The following DLGAP2 variants were observed in gnomAD, a reference collection of about 807,000 sequenced individuals.
DLGAP2 encodes disks large-associated protein 2.
In DLGAP2, 26 loss-of-function variants were observed where a neutral mutation model predicts 100.3. The observed-to-expected ratio is 0.26, with a 90% CI of 0.19 to 0.36. The LOEUF (loss-of-function observed/expected upper bound fraction) is 0.36. DLGAP2 is among the 10% of genes least tolerant of loss of function. The probability of loss-of-function intolerance (pLI) is 1.00; values close to 1 mark genes in which losing one functional copy is unlikely to be tolerated. For missense variants in DLGAP2, 1,858 were observed against 1,453.2 expected, an observed-to-expected ratio of 1.28 and a Z score of -4.53; for synonymous variants, 886 against 630.1, an observed-to-expected ratio of 1.41 and a Z score of -6.08.
intron 2 of DLGAP2, among the ~76,000 whole-genome samples, chr8:1,233,482 C>G (rs562541480): frequency 4.2e-4 from 64 of 152,300 alleles, no homozygotes; most frequent in African/African-American, 1.3e-3. Flanking sequence ...GGGCTAATCG[C>G]AGAGCGCAGG....
intron 3 of DLGAP2, among the ~76,000 whole-genome samples, chr8:1,341,515 G>A (rs1311893225): frequency 1.3e-5 from 2 of 152,206 alleles, no homozygotes; most frequent in Non-Finnish European, 2.9e-5. Context: ...TACAGTATGG[G>A]CTGGATGAGT....
intron 3 of DLGAP2, among the ~76,000 whole-genome samples, chr8:1,412,558 C>T (rs571930293): frequency 2.0e-5 from 3 of 152,342 alleles, no homozygotes; most frequent in Admixed American, 6.5e-5. Flanking sequence ...AAGCCCCAGC[C>T]ATTCCAGCTG....
chr8:1,588,592 A>G (rs7463275), intron 6 of DLGAP2, among the ~76,000 whole-genome samples: 66,545 of 151,896 alleles, frequency 0.44, 14,795 homozygotes, highest in African/African-American at 0.5. Context: ...TAATATGTGT[A>G]CAGACTGTTA....
At chr8:809,277 G>GT (rs1427357983) in intron 1 of DLGAP2, among the ~76,000 whole-genome samples, 1 of 152,094 alleles carries the variant, frequency 6.6e-6, no homozygotes, top group African/African-American at 2.4e-5. Flanking sequence ...ATTTACTGTT[G>GT]TTTAATGTCC....
intron 3 of DLGAP2, among the ~76,000 whole-genome samples, chr8:1,372,279 G>A (rs556372363): frequency 6.3e-4 from 95 of 151,670 alleles, no homozygotes; most frequent in African/African-American, 1.7e-3. Context: ...ACGCTGGGAC[G>A]CTGGTCACCG....
intron 2 of DLGAP2, among the ~76,000 whole-genome samples, chr8:1,214,964 C>T (rs1382909875): frequency 6.6e-6 from 1 of 152,206 alleles, no homozygotes; most frequent in African/African-American, 2.4e-5. Context: ...AAATGCAGTG[C>T]AATCTCGTTT....
intron 2 of DLGAP2, among the ~76,000 whole-genome samples, chr8:1,125,776 G>A (rs1431413392): frequency 1.3e-5 from 2 of 152,226 alleles, no homozygotes; most frequent in African/African-American, 4.8e-5. Context: ...GAATTTGAAA[G>A]CAAAACATTG....
At chr8:754,619 C>G (rs1820877728) in intron 1 of DLGAP2, among the ~76,000 whole-genome samples, 2 of 152,112 alleles carry the variant, frequency 1.3e-5, no homozygotes, top group Non-Finnish European at 2.9e-5. Context: ...TCTGCGAGGC[C>G]AAGGAGGGAA....
chr8:1,552,331 C>A (rs1249019225), intron 5 of DLGAP2, among the ~76,000 whole-genome samples: 1 of 152,256 alleles, frequency 6.6e-6, no homozygotes, highest in Non-Finnish European at 1.5e-5. Context: ...CCCATCCCCA[C>A]ATCCGCCTCC....
chr8:1,217,590 T>G (rs1204487163), intron 2 of DLGAP2, among the ~76,000 whole-genome samples: 2 of 152,274 alleles, frequency 1.3e-5, no homozygotes, highest in African/African-American at 4.8e-5. Context: ...TTTAGCAGTT[T>G]TGTAATTCTC....
At chr8:974,999 G>A (rs1216537356) in intron 2 of DLGAP2, among the ~76,000 whole-genome samples, 2 of 152,082 alleles carry the variant, frequency 1.3e-5, no homozygotes, top group African/African-American at 4.8e-5. Flanking sequence ...CTCTGACCAG[G>A]CTAATGAAGA....
chr8:1,017,718 A>T (rs978974620), intron 2 of DLGAP2, among the ~76,000 whole-genome samples: 7 of 152,138 alleles, frequency 4.6e-5, no homozygotes, highest in Non-Finnish European at 8.8e-5. Flanking sequence ...AGGGCTGTAG[A>T]AGCAGGACGG....
chr8:959,850 T>C (rs1799682050), intron 2 of DLGAP2, among the ~76,000 whole-genome samples: 2 of 152,212 alleles, frequency 1.3e-5, no homozygotes, highest in Admixed American at 6.5e-5. Context: ...ATGATTTTCA[T>C]GCTCATATAA....
intron 2 of DLGAP2, among the ~76,000 whole-genome samples, chr8:1,017,581 A>ACTGTGTGTGTGACCAGGACAGACGG (rs1801498769): frequency 1.0e-5 from 1 of 99,660 alleles, no homozygotes; most frequent in African/African-American, 3.9e-5. Context: ...AGGACAGACG[A>ACTGTGTGTGTGACCAGGACAGACGG]CGCCTCCACT....
At chr8:796,005 GGC>G (rs1796024995) in intron 1 of DLGAP2, among the ~76,000 whole-genome samples, 56 of 146,716 alleles carry the variant, frequency 3.8e-4, no homozygotes, top group African/African-American at 4.8e-4. Flanking sequence ...AGTGAGAGCA[GGC>G]GTCCAGTGAG....
intron 3 of DLGAP2, chr8:1,368,882 C>T (rs1377271726): frequency 3.3e-5 from 5 of 152,214 alleles, no homozygotes; most frequent in African/African-American, 1.2e-4. Flanking sequence ...GTCAAATTGA[C>T]TGCGATGGCT....
At chr8:1,392,637 G>A (rs1032638362) in intron 3 of DLGAP2, among the ~76,000 whole-genome samples, 2 of 152,202 alleles carry the variant, frequency 1.3e-5, no homozygotes, top group African/African-American at 4.8e-5. Flanking sequence ...GTGGAAACCC[G>A]TGGGGAGTCC....
chr8:775,124 G>A (rs1248987394), intron 1 of DLGAP2, among the ~76,000 whole-genome samples: 1 of 152,010 alleles, frequency 6.6e-6, no homozygotes, highest in Non-Finnish European at 1.5e-5. Flanking sequence ...GTGAATGGGA[G>A]TTCACTCATG....
intron 3 of DLGAP2, among the ~76,000 whole-genome samples, chr8:1,281,136 T>C (rs988193741): frequency 2.6e-5 from 4 of 152,220 alleles, no homozygotes; most frequent in Non-Finnish European, 5.9e-5. Flanking sequence ...CCCACCGTAA[T>C]TGCTTAATTT....
Sources: gnomAD v4.1 joint callset for allele counts (sites outside exome capture counted in the v4.1 genomes callset) on GRCh38, gnomAD v4.1.1 for gene constraint, MANE v1.5 for transcripts, NCBI Gene and HGNC (gene_info 2026-07-23, HGNC 2026-07-21) for gene names.